TBC1D22B: variants seen among roughly 807,000 people sequenced by gnomAD.
TBC1D22B encodes the protein chromosome 6 open reading frame 197.
TBC1D22B carries 32 observed loss-of-function variants against 69.1 expected under a neutral mutation model. The ratio of observed to expected loss-of-function variants is 0.46; its 90% CI spans 0.35 to 0.62. The LOEUF is 0.62. Among genes scored for constraint, TBC1D22B ranks in the 20% least tolerant of loss-of-function variants. The pLI is 0.00. For missense variants in TBC1D22B, 462 were observed against 630.9 expected, an observed-to-expected ratio of 0.73 and a Z score of 2.87; for synonymous variants, 206 against 229.8, an observed-to-expected ratio of 0.90 and a Z score of 0.94.
chr6:37,313,211 C>CG (rs368632788), intron 9 of TBC1D22B, among the ~76,000 whole-genome samples, 187 bp downstream of exon 9: 1,695 of 152,276 alleles, frequency 0.011, 35 homozygotes, highest in African/African-American at 0.037. Context: ...AATGGTGGGT[C>CG]GGGCACGGTG....
At chr6:37,311,847 G>T (rs913147587) in intron 8 of TBC1D22B, among the ~76,000 whole-genome samples, 1 of 152,222 alleles carries the variant, frequency 6.6e-6, no homozygotes, top group African/African-American at 2.4e-5. Context: ...TTGTTTCTGT[G>T]TGTGGCCTCT....
intron 5 of TBC1D22B, 33 bp from the exon 6 acceptor site, chr6:37,284,303 C>T: frequency 6.2e-7 from 1 of 1,613,998 alleles, no homozygotes; most frequent in Non-Finnish European, 8.5e-7. Context: ...CAACCATTGT[C>T]TTTCCCCATC....
Position 37,279,318 on chromosome 6 carries a change from G to T in TBC1D22B, c.128G>T (p.Arg43Leu). ...CTTTCTTGAAGTTTCATTAAAGAAC[G>T]ATCAAAAGTCAACACAGTTCCTCTG... ...PRLTKNFIKE[R>L]SKVNTVPLKN... The change falls in exon 3 of 13, where the codon CGA becomes CTA. Residue 43 changes from arginine (R) to leucine (L), a missense_variant. Transcript: ENST00000373491. The T allele has an allele frequency of 6.3e-7, 1 of 1,599,322 alleles. No homozygotes were observed. Among genetic ancestry groups the T allele is most frequent in the Non-Finnish European group, 8.5e-7 (1 of 1,172,188 alleles).
At chr6:37,277,506 A>T (rs1427951526) in intron 2 of TBC1D22B, among the ~76,000 whole-genome samples, 3 of 960 alleles carry the variant, frequency 3.1e-3, no homozygotes, top group African/African-American at 0.014. Flanking sequence ...TCACACTGTC[A>T]TCCAGGCTGG....
chr6:37,267,567 A>G (rs1180757175), intron 1 of TBC1D22B, among the ~76,000 whole-genome samples: 1 of 144,482 alleles, frequency 6.9e-6, no homozygotes, highest in Non-Finnish European at 1.5e-5. Flanking sequence ...ATATACACAC[A>G]CACATATATA....
chr6:37,267,434 TAC>T (rs1197536318), intron 1 of TBC1D22B, among the ~76,000 whole-genome samples: 6 of 143,792 alleles, frequency 4.2e-5, no homozygotes, highest in Middle Eastern at 3.6e-3. Context: ...ATAATATATA[TAC>T]ACACATATAT....
intron 12 of TBC1D22B, among the ~76,000 whole-genome samples, chr6:37,318,132 G>T (rs1008859266): frequency 2.6e-5 from 4 of 152,230 alleles, no homozygotes; most frequent in African/African-American, 9.6e-5. Context: ...GTGGGCAAGA[G>T]TGGAAGCAGA....
At chr6:37,304,006 G>A (rs1013819677) in intron 8 of TBC1D22B, among the ~76,000 whole-genome samples, 4 of 152,192 alleles carry the variant, frequency 2.6e-5, no homozygotes, top group African/African-American at 7.2e-5. Context: ...TCCAAAATAG[G>A]CATTCCACAC....
chr6:37,282,351 G>A lies in TBC1D22B; in HGVS notation c.588G>A (p.Gln196=). 6.2e-7 allele frequency: 1 copy of A among 1,607,006 alleles called. No homozygotes were observed. Among genetic ancestry groups the A allele is most frequent in the Middle Eastern group, 1.7e-4 (1 of 6,036 alleles). Residue 196 remains glutamine, a synonymous_variant, in exon 4 of 13, where the codon CAG becomes CAA. Transcript: ENST00000373491. ...AATTCCGTCAACTTCTCTCCAGCCA[G>A]AACACTGACTTAGGTGAGTCCCTGT... ...LEKFRQLLSS[Q]NTDLDELRKC...
At position 37,284,407 on chromosome 6, in the gene TBC1D22B, C is replaced by T; in HGVS notation, c.744C>T (p.Phe248=). The T allele has an allele frequency of 6.2e-7, 1 of 1,613,126 alleles. No homozygotes were observed. The highest frequency in any genetic ancestry group is 8.5e-7 in the Non-Finnish European group (1 of 1,179,556). ...LQRKREEYFG[F]IEQYYDSRNE... Reference sequence around the variant, plus strand: ...GGAAGCGGGAGGAATATTTTGGCTTCATTGAACAGTATTATGACTCTCGAA... The same window carrying T: ...GGAAGCGGGAGGAATATTTTGGCTTTATTGAACAGTATTATGACTCTCGAA... Residue 248 remains phenylalanine, a synonymous_variant, in exon 6 of 13, where the codon TTC becomes TTT. Coordinates refer to ENST00000373491, the MANE Select transcript of TBC1D22B (RefSeq NM_017772.4).
intron 8 of TBC1D22B, among the ~76,000 whole-genome samples, chr6:37,293,078 A>ATT (rs1165837891): frequency 2.1e-5 from 3 of 140,778 alleles, no homozygotes; most frequent in African/African-American, 9.3e-5. Context: ...TATTATTATT[A>ATT]TTATTATTTT....
At chr6:37,310,697 A>C (rs944120647) in intron 8 of TBC1D22B, among the ~76,000 whole-genome samples, 6 of 152,190 alleles carry the variant, frequency 3.9e-5, no homozygotes, top group Admixed American at 1.3e-4. Flanking sequence ...GATTTCTCAA[A>C]TTGATCTTTA....
intron 8 of TBC1D22B, among the ~76,000 whole-genome samples, chr6:37,307,775 C>T (rs1278969538): frequency 1.3e-5 from 2 of 152,166 alleles, no homozygotes; most frequent in African/African-American, 2.4e-5. Context: ...GCAGCTGAGG[C>T]GTTGGAGCCT....
chr6:37,317,185 C>G lies in TBC1D22B; in HGVS notation c.1368C>G (p.Ile456Met). The G allele has an allele frequency of 6.4e-7, 1 of 1,572,708 alleles. No homozygotes were observed. Among genetic ancestry groups the G allele is most frequent in the Non-Finnish European group, 8.6e-7 (1 of 1,156,772 alleles). ...TCTTGATCAAGTGGAGGAAAGAGAT[C>G]TTGGATGAGGAGGATTTTCAGGTGA... ...AAFLIKWRKEILDEEDFQGLL... is the reference protein window; with the variant it reads ...AAFLIKWRKEMLDEEDFQGLL... Residue 456 changes from isoleucine (I) to methionine (M), a missense_variant, in exon 12 of 13, where the codon ATC becomes ATG. Coordinates refer to ENST00000373491, the MANE Select transcript of TBC1D22B (RefSeq NM_017772.4).
chr6:37,275,752 GGC>G (rs1766649181), intron 2 of TBC1D22B, among the ~76,000 whole-genome samples: 2 of 152,134 alleles, frequency 1.3e-5, no homozygotes, highest in Admixed American at 1.3e-4. Flanking sequence ...GTATGAATAT[GGC>G]TAGTGAGTAG....
At chr6:37,265,171 A>G (rs1360968523) in intron 1 of TBC1D22B, among the ~76,000 whole-genome samples, 1 of 152,248 alleles carries the variant, frequency 6.6e-6, no homozygotes, top group African/African-American at 2.4e-5. Flanking sequence ...GATGAAGTCC[A>G]TCATTTATCT....
intron 8 of TBC1D22B, among the ~76,000 whole-genome samples, chr6:37,307,694 G>A (rs1318209271): frequency 3.3e-5 from 5 of 152,052 alleles, no homozygotes; most frequent in African/African-American, 4.8e-5. Context: ...TTATGAGTCC[G>A]GTTCAACAAC....
At chr6:37,311,370 C>T (rs1767906747) in intron 8 of TBC1D22B, among the ~76,000 whole-genome samples, 2 of 151,994 alleles carry the variant, frequency 1.3e-5, no homozygotes, top group South Asian at 2.1e-4. Flanking sequence ...AGTAACAATG[C>T]TTAGAAATGA....
At chr6:37,293,215 C>T (rs1239504782) in intron 8 of TBC1D22B, among the ~76,000 whole-genome samples, 9 of 151,752 alleles carry the variant, frequency 5.9e-5, no homozygotes, top group African/African-American at 1.9e-4. Flanking sequence ...GTAGCTGGGA[C>T]TACAGGCGCC....
Sources: allele counts gnomAD v4.1 joint callset (sites outside exome capture counted in the v4.1 genomes callset), GRCh38; gene constraint gnomAD v4.1.1; transcripts MANE v1.5; gene names NCBI Gene and HGNC (gene_info 2026-07-23, HGNC 2026-07-21).